The following ZMYND11 variants were observed in gnomAD, a reference collection of about 807,000 sequenced individuals.
ZMYND11 encodes the protein zinc finger MYND domain-containing protein 11.
A neutral mutation model predicts 84.9 loss-of-function variants in ZMYND11; 9 were observed. That is an observed-to-expected ratio of 0.11 (90% CI 0.06 to 0.18). ZMYND11 has a LOEUF of 0.18. ZMYND11 is among the 10% of genes least tolerant of loss of function. The probability of loss-of-function intolerance (pLI) is 1.00; values close to 1 mark genes in which losing one functional copy is unlikely to be tolerated. For missense variants in ZMYND11, 409 were observed against 761.0 expected, an observed-to-expected ratio of 0.54 and a Z score of 5.44; for synonymous variants, 250 against 244.1, an observed-to-expected ratio of 1.02 and a Z score of -0.23.
chr10:230,240 C>T (rs368832314), intron 4 of ZMYND11, among the ~76,000 whole-genome samples: 6 of 151,886 alleles, frequency 4.0e-5, no homozygotes, highest in East Asian at 1.9e-4. Flanking sequence ...TGTGGGAGGC[C>T]GAGGCGGGCG....
At chr10:222,704 A>T (rs1240409127) in intron 4 of ZMYND11, among the ~76,000 whole-genome samples, 1 of 152,052 alleles carries the variant, frequency 6.6e-6, no homozygotes, top group Non-Finnish European at 1.5e-5. Flanking sequence ...AATTAATGAG[A>T]TCAAAAAAAA....
At chr10:222,100 C>T (rs1187835421) in intron 4 of ZMYND11, among the ~76,000 whole-genome samples, 1 of 152,134 alleles carries the variant, frequency 6.6e-6, no homozygotes, top group Non-Finnish European at 1.5e-5. Flanking sequence ...TTATACTTAA[C>T]TATTAAAATA....
At chr10:238,492 G>A (rs534187565) in intron 6 of ZMYND11, among the ~76,000 whole-genome samples, 3 of 152,170 alleles carry the variant, frequency 2.0e-5, no homozygotes, top group African/African-American at 7.2e-5. Flanking sequence ...GAGTAGCTGG[G>A]ACTACAGGCG....
intron 3 of ZMYND11, among the ~76,000 whole-genome samples, chr10:215,791 C>G (rs757939634): frequency 3.7e-4 from 56 of 152,170 alleles, no homozygotes; most frequent in Admixed American, 6.5e-4. Flanking sequence ...CTCCTGGCTT[C>G]AAGTGATCCT....
intron 1 of ZMYND11, among the ~76,000 whole-genome samples, chr10:144,992 C>T (rs1011835836): frequency 6.6e-6 from 1 of 151,014 alleles, no homozygotes; most frequent in Admixed American, 6.6e-5. Flanking sequence ...GTACCCATAG[C>T]TTAGTTCTCA....
At chr10:151,357 G>C (rs146498083) in intron 1 of ZMYND11, among the ~76,000 whole-genome samples, 33 of 152,320 alleles carry the variant, frequency 2.2e-4, no homozygotes, top group African/African-American at 7.7e-4. Context: ...AACCAGTGTA[G>C]AGAAGTCTTT....
chr10:210,543 T>C (rs1423809209), intron 3 of ZMYND11, among the ~76,000 whole-genome samples: 1 of 152,216 alleles, frequency 6.6e-6, no homozygotes, highest in Non-Finnish European at 1.5e-5. Context: ...AGTGCCTACG[T>C]TGACTAATGA....
chr10:201,606 A>ACACACACACACACAC (rs1564371498), intron 2 of ZMYND11, among the ~76,000 whole-genome samples: 4 of 136,200 alleles, frequency 2.9e-5, no homozygotes, highest in African/African-American at 9.9e-5. Flanking sequence ...ACACACACAC[A>ACACACACACACACAC]TTATATATAT....
At position 206,257 on chromosome 10, in the gene ZMYND11, G is replaced by A. The variant is rs184696900; in HGVS notation, c.117-3632G>A. Among the ~76,000 whole-genome samples the A allele has an allele frequency of 3.0e-3, 457 of 152,268 alleles. No homozygotes were observed. The Middle Eastern group carries it at 0.031, about 10-fold the overall frequency. ...CACCTGTAGTCCCAGCTACTTGGGA[G>A]GCTGAGTCAGGAGAATCACTTGAAC... On this transcript the variant is annotated intron_variant, in intron 2 of 14. Transcript: ENST00000381604.
rs1178999414 is a variant in ZMYND11, at chr10:252,207, T to G, written c.1687-141T>G. The stretch of plus-strand genomic sequence containing the variant: ...CCCAGGGCTCCCTTTCCATCTGCTG[T>G]GCATAAAACGTATTCAGATTCCACA... On this transcript the variant is annotated intron_variant, in intron 14 of 14. Transcript: ENST00000381604. This position sits in a 1 kb window ranked among gnomAD's most constrained non-coding sequence, Gnocchi z 4.6. 1 of 1,021,494 alleles carries G rather than the reference T, an allele frequency of 9.8e-7. No individual in the cohort carries two copies. The highest frequency in any genetic ancestry group is 1.4e-6 in the Non-Finnish European group (1 of 711,840). 63.3% of individuals were successfully genotyped at this position (1,021,494 alleles called of 1,614,324 possible). A position where few individuals can be genotyped will look rare whatever the true frequency, so the allele number is the denominator to read the frequency against.
intron 2 of ZMYND11, among the ~76,000 whole-genome samples, chr10:200,240 AAT>A (rs968948513): frequency 6.3e-4 from 15 of 23,974 alleles, no homozygotes; most frequent in Non-Finnish European, 2.2e-3. Flanking sequence ...TATATATAAA[AAT>A]ATATATATAA....
chr10:221,335 C>G lies in ZMYND11; in HGVS notation c.417C>G (p.Pro139=). The change falls in exon 4 of 15, where the codon CCC becomes CCG. Residue 139 remains proline (P), a synonymous_variant. Transcript: ENST00000381604. ...TCAGGCTTAGAGACAGCAGTAGTCC[C>G]TGGCAGTGCCCAGTTTGCAGGGTGA... is the stretch of plus-strand genomic sequence containing the variant. The part of the protein sequence containing the change: ...DEFRLRDSSS[P]WQCPVCRSIK... 1 of 1,613,682 alleles carries G rather than the reference C, an allele frequency of 6.2e-7. No homozygotes were observed. The highest frequency in any genetic ancestry group is 8.5e-7 in the Non-Finnish European group (1 of 1,179,738).
chr10:221,443 C>T, intron 4 of ZMYND11, 87 bp downstream of exon 4: 1 of 1,390,218 alleles, frequency 7.2e-7, no homozygotes, highest in Non-Finnish European at 9.9e-7. Context: ...GTGGTCTTGC[C>T]AGGTGAACGG....
At chr10:233,690 C>T (rs1486476855) in intron 4 of ZMYND11, among the ~76,000 whole-genome samples, 3 of 152,160 alleles carry the variant, frequency 2.0e-5, no homozygotes, top group Non-Finnish European at 4.4e-5. Flanking sequence ...CCCAGATGAC[C>T]ACTTTTGACT....
At chr10:234,554 C>G (rs1017512201) in intron 4 of ZMYND11, among the ~76,000 whole-genome samples, 1 of 152,216 alleles carries the variant, frequency 6.6e-6, no homozygotes, top group Non-Finnish European at 1.5e-5. Context: ...AGACTTCTAA[C>G]CTGGTGTAGA....
At position 252,314 on chromosome 10, in the gene ZMYND11, A is replaced by C. The variant is rs1399789672; in HGVS notation, c.1687-34A>C. On this transcript the variant is annotated intron_variant, in intron 14 of 14. Transcript: ENST00000381604. This position sits in a 1 kb window ranked among gnomAD's most constrained non-coding sequence, Gnocchi z 4.6. ...ACCAGTCGCTTACACATCCACACCC[A>C]AGTCTAAAGACTGCCCCGATTTCTT... The C allele has an allele frequency of 1.9e-6, 3 of 1,611,818 alleles. No individual in the cohort carries two copies. In the Admixed American group the frequency reaches 5.0e-5, roughly 27 times the overall value.
upstream of ZMYND11, among the ~76,000 whole-genome samples, chr10:133,550 C>T (rs1415092467): frequency 6.6e-6 from 1 of 152,154 alleles, no homozygotes; most frequent in Non-Finnish European, 1.5e-5. Flanking sequence ...GTTATGCTGC[C>T]ACTTCTTTCC....
chr10:145,178 A>G (rs1368276438), intron 1 of ZMYND11, among the ~76,000 whole-genome samples: 1 of 150,564 alleles, frequency 6.6e-6, no homozygotes, highest in African/African-American at 2.4e-5. Context: ...ATATATGTGT[A>G]TATATGTGTA....
chr10:250,484 G>GA (rs1564471074), intron 14 of ZMYND11, among the ~76,000 whole-genome samples: 1 of 152,106 alleles, frequency 6.6e-6, no homozygotes, highest in East Asian at 1.9e-4. Context: ...GATGGAGCAA[G>GA]ACCCTGTCTC....
Sources: allele counts gnomAD v4.1 joint callset (sites outside exome capture counted in the v4.1 genomes callset), GRCh38; gene constraint gnomAD v4.1.1; non-coding constraint Gnocchi (gnomAD v3.1); transcripts MANE v1.5; gene names NCBI Gene and HGNC (gene_info 2026-07-23, HGNC 2026-07-21).